Variants in KNTC1 observed in about 807,000 individuals in gnomAD.
KNTC1 encodes kinetochore-associated protein 1.
KNTC1 carries 253 observed loss-of-function variants against 314.4 expected under a neutral mutation model. The observed-to-expected ratio is 0.80, with a 90% CI of 0.73 to 0.89. The LOEUF (loss-of-function observed/expected upper bound fraction) is 0.89, where lower values mean the gene tolerates loss of function less well. Ranked by LOEUF, KNTC1 falls within the 40% of genes least tolerant of loss-of-function variation. KNTC1 has a pLI of 0.00. For synonymous variants in KNTC1, 901 were observed against 901.4 expected, an observed-to-expected ratio of 1.00 and a Z score of 0.01; for missense variants, 2,475 against 2,572.9, an observed-to-expected ratio of 0.96 and a Z score of 0.82.
chr12:122,544,516 G>A (rs1274620643), intron 8 of KNTC1, among the ~76,000 whole-genome samples: 7 of 151,994 alleles, frequency 4.6e-5, no homozygotes, highest in African/African-American at 9.7e-5. Flanking sequence ...AGACAAAAAC[G>A]ATAGAAAACA....
At chr12:122,598,825 T>A (rs1010577118) in intron 44 of KNTC1, among the ~76,000 whole-genome samples, 1 of 151,470 alleles carries the variant, frequency 6.6e-6, no homozygotes, top group Non-Finnish European at 1.5e-5. Flanking sequence ...TTTTTTTTTT[T>A]ATTTGAGATA....
intron 4 of KNTC1, among the ~76,000 whole-genome samples, 197 bp from the exon 5 acceptor site, chr12:122,539,479 A>G (rs527649145): frequency 1.3e-5 from 2 of 152,230 alleles, no homozygotes; most frequent in Non-Finnish European, 2.9e-5. Flanking sequence ...CTTGTGGCTC[A>G]AGGAATCGCA....
chr12:122,543,615 A>ACTT lies in KNTC1; in HGVS notation c.541_543dup (p.Phe181dup). The ACTT allele has an allele frequency of 6.4e-7, 1 of 1,562,630 alleles. No individual in the cohort carries two copies. Among genetic ancestry groups the ACTT allele is most frequent in the Non-Finnish European group, 8.7e-7 (1 of 1,151,350 alleles). Reference sequence around the variant, plus strand: ...TTTAATGCAGCAATTGAGAATGTAGACTTCAGTACAGCAAAAAAGGTAAGA... The same window carrying ACTT: ...TTTAATGCAGCAATTGAGAATGTAGACTTCTTCAGTACAGCAAAAAAGGTAAGA... On this transcript the variant is annotated inframe_insertion, in exon 7 of 64. Coordinates refer to ENST00000333479, the MANE Select transcript of KNTC1 (RefSeq NM_014708.6).
At chr12:122,565,034 G>A (rs2137869700) in intron 20 of KNTC1, among the ~76,000 whole-genome samples, 1 of 152,104 alleles carries the variant, frequency 6.6e-6, no homozygotes, top group South Asian at 2.1e-4. Context: ...AATGAGTAGG[G>A]GAGGGCCCAT....
At chr12:122,541,769 C>A (rs1383718886) in intron 5 of KNTC1, among the ~76,000 whole-genome samples, 2 of 151,924 alleles carry the variant, frequency 1.3e-5, no homozygotes, top group East Asian at 1.9e-4. Context: ...GCCTGTAATC[C>A]CAGCACTTTG....
At chr12:122,607,689 A>C (rs1872699171) in intron 51 of KNTC1, among the ~76,000 whole-genome samples, 1 of 152,146 alleles carries the variant, frequency 6.6e-6, no homozygotes, top group African/African-American at 2.4e-5. Context: ...ATTAGAGGAA[A>C]TATTTTAGGA....
At chr12:122,562,945 G>A (rs189072075) in intron 20 of KNTC1, among the ~76,000 whole-genome samples, 328 of 151,918 alleles carry the variant, frequency 2.2e-3, no homozygotes, top group African/African-American at 7.6e-3. Context: ...GGAGGCAGAG[G>A]TTGCAGTGAG....
At chr12:122,546,050 G>C in intron 8 of KNTC1, 126 bp from the exon 9 acceptor site, 1 of 650,168 alleles carries the variant, frequency 1.5e-6, no homozygotes, top group Non-Finnish European at 2.7e-6. Flanking sequence ...ATGAAACCTA[G>C]TTAAGTTAGA....
intron 19 of KNTC1, among the ~76,000 whole-genome samples, 189 bp from the exon 20 acceptor site, chr12:122,562,449 G>T (rs1475717639): frequency 2.1e-5 from 2 of 93,322 alleles, no homozygotes; most frequent in African/African-American, 6.6e-5. Flanking sequence ...TTGTGTGTGT[G>T]TGTGTGTGTG....
chr12:122,623,800 C>T (rs960049147), intron 62 of KNTC1, among the ~76,000 whole-genome samples: 1 of 152,176 alleles, frequency 6.6e-6, no homozygotes, highest in Admixed American at 6.5e-5. Flanking sequence ...GGCGCAGTGG[C>T]TTACTCCTGT....
intron 41 of KNTC1, 92 bp from the exon 42 acceptor site, chr12:122,591,245 G>A (rs1870148225): frequency 2.6e-6 from 2 of 767,632 alleles, no homozygotes; most frequent in Non-Finnish European, 2.4e-6. Context: ...TGATCACAAA[G>A]TTATGATTTT....
chr12:122,545,950 TAA>T (rs11463721), intron 8 of KNTC1, among the ~76,000 whole-genome samples: 1 of 145,152 alleles, frequency 6.9e-6, no homozygotes. Context: ...TGTCTCAAAT[TAA>T]AAAAAAAAAA....
intron 18 of KNTC1, among the ~76,000 whole-genome samples, chr12:122,559,960 G>A (rs765299950): frequency 2.0e-5 from 3 of 151,992 alleles, no homozygotes; most frequent in Non-Finnish European, 2.9e-5. Context: ...TCTTTTCATC[G>A]TTGTGAAACT....
chr12:122,598,809 T>C (rs577304520), intron 44 of KNTC1, among the ~76,000 whole-genome samples: 14 of 151,506 alleles, frequency 9.2e-5, no homozygotes, highest in Non-Finnish European at 1.6e-4. Flanking sequence ...GTTAGACATT[T>C]AAACTTTTTT....
At chr12:122,582,076 C>A (rs933416522) in intron 33 of KNTC1, among the ~76,000 whole-genome samples, 36 of 152,110 alleles carry the variant, frequency 2.4e-4, no homozygotes, top group African/African-American at 8.2e-4. Context: ...TAAAGGAGTC[C>A]TATGACCCAA....
intron 2 of KNTC1, among the ~76,000 whole-genome samples, chr12:122,533,017 C>A (rs1961495649): frequency 6.6e-6 from 1 of 152,066 alleles, no homozygotes; most frequent in South Asian, 2.1e-4. Flanking sequence ...TGAGGCCAGC[C>A]TGGGCAACAT....
intron 59 of KNTC1, among the ~76,000 whole-genome samples, chr12:122,619,149 C>T (rs1207355456): frequency 6.7e-6 from 1 of 150,240 alleles, no homozygotes; most frequent in African/African-American, 2.5e-5. Flanking sequence ...GCTCCGCCTC[C>T]CAGGTTCACG....
Position 122,591,457 on chromosome 12 carries a change from A to C in KNTC1, c.4245+4A>C. 7.0e-7 allele frequency: 1 copy of C among 1,434,584 alleles called. No homozygotes were observed. Among genetic ancestry groups the C allele is most frequent in the Non-Finnish European group, 9.8e-7 (1 of 1,020,388 alleles). 88.9% of individuals were successfully genotyped at this position (1,434,584 alleles called of 1,614,324 possible). A position where few individuals can be genotyped will look rare whatever the true frequency, so the allele number is the denominator to read the frequency against. ...CATTCGTCTTGGTAAACTTGGTGTG[A>C]GTATTCTTTGTACTGCTGTCATCGA... On this transcript the variant is annotated splice_donor_region_variant and intron_variant, in intron 42 of 63. Coordinates refer to ENST00000333479, the MANE Select transcript of KNTC1 (RefSeq NM_014708.6).
chr12:122,552,868 A>G (rs1431492642), intron 16 of KNTC1, among the ~76,000 whole-genome samples: 1 of 152,024 alleles, frequency 6.6e-6, no homozygotes, highest in Admixed American at 6.6e-5. Context: ...AGAGAGGAAT[A>G]TAGGCCAGGT....
Sources: allele counts gnomAD v4.1 joint callset (sites outside exome capture counted in the v4.1 genomes callset), GRCh38; gene constraint gnomAD v4.1.1; transcripts MANE v1.5; gene names NCBI Gene and HGNC (gene_info 2026-07-23, HGNC 2026-07-21).